Variants in TRIP10 observed in about 807,000 individuals in gnomAD.
TRIP10 encodes thyroid hormone receptor interactor 10, also known as cdc42-interacting protein 4.
A neutral mutation model predicts 80.9 loss-of-function variants in TRIP10; 54 were observed. That is an observed-to-expected ratio of 0.67 (90% confidence interval 0.54 to 0.84). The LOEUF (loss-of-function observed/expected upper bound fraction) is 0.84, where lower values mean the gene tolerates loss of function less well. Ranked by LOEUF, TRIP10 falls within the 40% of genes least tolerant of loss-of-function variation. The pLI, the probability that TRIP10 is intolerant of heterozygous loss-of-function variation, is 0.00. For missense variants in TRIP10, 773 were observed against 815.3 expected (o/e 0.95, Z 0.63); for synonymous variants, 321 against 307.2 (o/e 1.04, Z -0.47).
In TRIP10 at chr19:6,739,773, C is replaced by A; in HGVS notation, c.12C>A (p.Gly4=). The part of the protein sequence containing the change: MDW[G]TELWDQFEVL... ...GCGGCGGGAGCAGCATGGATTGGGG[C>A]ACTGAGCTGTGGGTAAGTCCAATCG... is the stretch of plus-strand genomic sequence containing the variant. The change falls in exon 1 of 15, where the codon GGC becomes GGA. Residue 4 remains glycine, a synonymous_variant. Transcript: ENST00000313244. The A allele has an allele frequency of 1.4e-6, 2 of 1,461,452 alleles. No homozygotes were observed. The highest frequency in any genetic ancestry group is 1.8e-6 in the Non-Finnish European group (2 of 1,099,946). The allele number at this position is 1,461,452 out of a possible 1,614,324, so 90.5% of individuals were successfully genotyped here.
At chr19:6,750,990 T>C (rs769926110) in intron 14 of TRIP10, 73 bp from the exon 15 acceptor site, 1 of 1,445,712 alleles carries the variant, frequency 6.9e-7, no homozygotes, top group Admixed American at 2.7e-5. Flanking sequence ...CGAGGCTCTG[T>C]CTCAAAAATA....
rs190749290 is a variant in TRIP10, at chr19:6,744,014, C to G, written c.642+178C>G. On this transcript the variant is annotated intron_variant, in intron 7 of 14. Coordinates refer to ENST00000313244, the MANE Select transcript of TRIP10 (RefSeq NM_001288962.2). This position sits in a 1 kb window ranked among gnomAD's most constrained non-coding sequence, Gnocchi z 4.9. ...CAGCTGTTCTTCCTGCTGGGCATGC[C>G]TTTTACTTGTTTGTTTATTTACTTC... 3.5e-5 allele frequency: 30 copies of G among 862,698 alleles called. No individual in the cohort carries two copies. The East Asian group carries it at 7.4e-4, about 21-fold the overall frequency. The allele number at this position is 862,698 out of a possible 1,614,324, so 53.4% of individuals were successfully genotyped here.
chr19:6,751,484 GAA>G lies in TRIP10; in HGVS notation c.*284_*285del, dbSNP rs796109489. 3.6e-4 allele frequency: 196 copies of G among 541,436 alleles called. No individual in the cohort carries two copies. Among genetic ancestry groups the G allele is most frequent in the East Asian group, 1.8e-3 (40 of 22,058 alleles). The allele number at this position is 541,436 out of a possible 1,614,324, so 33.5% of individuals were successfully genotyped here. ...GCCATTTTGTTTTATACAAAAATGG[GAA>G]AAAAAAAAAAGAAATTATATAAAGT... On this transcript the variant is annotated 3_prime_UTR_variant, in exon 15 of 15. Transcript: ENST00000313244.
chr19:6,746,579 G>A lies in TRIP10; in HGVS notation c.1262+18G>A, dbSNP rs556173810. ...GACCAGAGGTAAGGTGGTGGGGTAG[G>A]GAAGGACAGGCAAGGAACATGATAA... is the stretch of plus-strand genomic sequence containing the variant. On this transcript the variant is annotated intron_variant, in intron 11 of 14. Transcript: ENST00000313244. This position sits in a 1 kb window ranked among gnomAD's most constrained non-coding sequence, Gnocchi z 6.2. 694 of 1,585,936 alleles carry A rather than the reference G, an allele frequency of 4.4e-4. 9 individuals are homozygous for A. In the South Asian group the frequency reaches 5.8e-3, roughly 13 times the overall value.
chr19:6,751,073 G>C lies in TRIP10; in HGVS notation c.1668G>C (p.Glu556Asp), dbSNP rs958071277. 3.8e-6 allele frequency: 6 copies of C among 1,580,234 alleles called. No individual in the cohort carries two copies. Among genetic ancestry groups the C allele is most frequent in the African/African-American group, 2.7e-5 (2 of 73,792 alleles). ...VAIYHFEGSS[E>D]GTISMAEGED... ...CCACCCCCATCACAGGGTCCAGCGA[G>C]GGCACTATCTCTATGGCCGAGGGTG... The change falls in exon 15 of 15, where the codon GAG becomes GAC. Residue 556 changes from glutamate (E) to aspartate (D), a missense_variant. Glu to Asp is a conservative substitution (Grantham distance 45). Transcript: ENST00000313244.
chr19:6,742,260 C>T (rs1011103289), intron 3 of TRIP10, among the ~76,000 whole-genome samples: 5 of 151,418 alleles, frequency 3.3e-5, no homozygotes, highest in East Asian at 2.0e-4. Flanking sequence ...CGTTGTGGTG[C>T]GCGCCTGTAA....
Position 6,739,698 on chromosome 19 carries a change from C to A in TRIP10, c.-64C>A. 9.4e-7 allele frequency: 1 copy of A among 1,068,276 alleles called. No homozygotes were observed. 66.2% of individuals were successfully genotyped at this position (1,068,276 alleles called of 1,614,324 possible). A position where few individuals can be genotyped will look rare whatever the true frequency, so the allele number is the denominator to read the frequency against. ...CTCGGCTGAGTCTCCCCGGGGAGGG[C>A]GGCGGGCGGCGGGCGGCGGGGACCG... On this transcript the variant is annotated 5_prime_UTR_variant, in exon 1 of 15. Transcript: ENST00000313244.
intron 5 of TRIP10, 92 bp downstream of exon 5, chr19:6,743,348 C>A: frequency 6.4e-7 from 1 of 1,554,922 alleles, no homozygotes; most frequent in Non-Finnish European, 8.8e-7. Flanking sequence ...TTTGTCAGAC[C>A]TGGACCTTCC....
At chr19:6,741,908 C>T (rs914038751) in intron 3 of TRIP10, among the ~76,000 whole-genome samples, 3 of 152,048 alleles carry the variant, frequency 2.0e-5, no homozygotes, top group Middle Eastern at 3.4e-3. Context: ...ACTTCCGCCT[C>T]CCAGGTTCAA....
chr19:6,740,464 G>A (rs1317861222), intron 1 of TRIP10, among the ~76,000 whole-genome samples: 1 of 152,188 alleles, frequency 6.6e-6, no homozygotes, highest in Non-Finnish European at 1.5e-5. Context: ...TTAGTGCAGC[G>A]GGGGTAACCA....
Position 6,743,807 on chromosome 19 carries a change from T to TA in TRIP10, c.614dup (p.Tyr205Ter). The TA allele has an allele frequency of 4.3e-6, 7 of 1,614,090 alleles. No homozygotes were observed. The highest frequency in any genetic ancestry group is 5.9e-6 in the Non-Finnish European group (7 of 1,180,012). Residue 205 changes from tyrosine (Y) to a stop codon, truncating the protein, a stop_gained and frameshift_variant, in exon 7 of 15, where the codon TAT becomes TAAT. Transcript: ENST00000313244. LOFTEE classifies it high-confidence loss of function. ...CTTCAACCGAGACCAAGCCCACTTC[T>TA]ATTTTTCACAGATGCCCCAGATATT... ...QRFNRDQAHFYFSQMPQIFDK... is the reference protein window; with the variant it reads ...QRFNRDQAHF
At chr19:6,740,989 C>T in intron 1 of TRIP10, 21 bp from the exon 2 acceptor site, 1 of 1,606,032 alleles carries the variant, frequency 6.2e-7, no homozygotes, top group Non-Finnish European at 8.5e-7. Context: ...TCCCCTCCTC[C>T]CCCACCATGT....
intron 1 of TRIP10, 64 bp from the exon 2 acceptor site, chr19:6,740,946 T>C (rs763742109): frequency 5.5e-6 from 8 of 1,447,316 alleles, no homozygotes; most frequent in African/African-American, 1.4e-5. Flanking sequence ...GTCGGCGGGC[T>C]GTGGGGTCCC....
chr19:6,751,066 C>A lies in TRIP10; in HGVS notation c.1661C>A (p.Ser554Tyr). 1 of 1,563,756 alleles carries A rather than the reference C, an allele frequency of 6.4e-7. No homozygotes were observed. The highest frequency in any genetic ancestry group is 8.7e-7 in the Non-Finnish European group (1 of 1,151,088). Residue 554 changes from serine to tyrosine, a missense_variant, in exon 15 of 15, where the codon TCC becomes TAC. Coordinates refer to ENST00000313244, the MANE Select transcript of TRIP10 (RefSeq NM_001288962.2). ...CCCACCCCCACCCCCATCACAGGGT[C>A]CAGCGAGGGCACTATCTCTATGGCC... is the stretch of plus-strand genomic sequence containing the variant. ...HCVAIYHFEG[S>Y]SEGTISMAEG...
At position 6,751,489 on chromosome 19, in the gene TRIP10, A is replaced by G; in HGVS notation, c.*278A>G. ...TTTGTTTTATACAAAAATGGGAAAA[A>G]AAAAAAAGAAATTATATAAAGTTCC... On this transcript the variant is annotated 3_prime_UTR_variant, in exon 15 of 15. Coordinates refer to ENST00000313244, the MANE Select transcript of TRIP10 (RefSeq NM_001288962.2). 2.9e-6 allele frequency: 2 copies of G among 686,906 alleles called. No homozygotes were observed. Among genetic ancestry groups the G allele is most frequent in the Non-Finnish European group, 4.2e-6 (2 of 471,884 alleles). 42.6% of individuals were successfully genotyped at this position (686,906 alleles called of 1,614,324 possible). A position where few individuals can be genotyped will look rare whatever the true frequency, so the allele number is the denominator to read the frequency against.
intron 11 of TRIP10, among the ~76,000 whole-genome samples, chr19:6,749,722 G>C (rs561941785): frequency 4.3e-4 from 66 of 152,000 alleles, no homozygotes; most frequent in Non-Finnish European, 9.0e-4. Context: ...GTGGTGATGC[G>C]GGTCTATAGT....
chr19:6,744,777 C>T lies in TRIP10; in HGVS notation c.790-23C>T. ...CCCATAGGCTAGGCACTCGACTGCT[C>T]ATCCACTGTCCCCCTCCCCCAGGAC... On this transcript the variant is annotated intron_variant, in intron 8 of 14. Transcript: ENST00000313244. This position sits in a 1 kb window ranked among gnomAD's most constrained non-coding sequence, Gnocchi z 4.9. The T allele has an allele frequency of 6.2e-7, 1 of 1,605,552 alleles. No homozygotes were observed. Among genetic ancestry groups the T allele is most frequent in the Non-Finnish European group, 8.5e-7 (1 of 1,175,142 alleles).
intron 5 of TRIP10, 119 bp downstream of exon 5, chr19:6,743,375 C>CCTTGTACTTCCCTCCTTCAT (rs1356909888): frequency 2.6e-6 from 4 of 1,525,508 alleles, no homozygotes; most frequent in African/African-American, 1.4e-5. Flanking sequence ...CATAGGCTTC[C>CCTTGTACTTCCCTCCTTCAT]AGTACTCCCT....
Position 6,746,191 on chromosome 19 carries a change from C to A in TRIP10, c.1147C>A (p.Arg383Ser). The A allele has an allele frequency of 6.5e-7, 1 of 1,533,294 alleles. No individual in the cohort carries two copies. The highest frequency in any genetic ancestry group is 8.8e-7 in the Non-Finnish European group (1 of 1,136,966). The allele number at this position is 1,533,294 out of a possible 1,614,324, so 95.0% of individuals were successfully genotyped here. Residue 383 changes from arginine (R) to serine (S), a missense_variant, in exon 10 of 15, where the codon CGT becomes AGT. Coordinates refer to ENST00000313244, the MANE Select transcript of TRIP10 (RefSeq NM_001288962.2). This position sits in a 1 kb window ranked among gnomAD's most constrained non-coding sequence, Gnocchi z 6.2. ...ATCCTTCCGCAGCCTTCGAGGCAGCCGTGGGGTAAGTGAGGCCTCGGGGCA... is the reference window on the plus strand; with the variant it reads ...ATCCTTCCGCAGCCTTCGAGGCAGCAGTGGGGTAAGTGAGGCCTCGGGGCA... ...LASFRSLRGS[R>S]GTVVTEDFSH...
Sources: allele counts gnomAD v4.1 joint callset (sites outside exome capture counted in the v4.1 genomes callset), GRCh38; gene constraint gnomAD v4.1.1; non-coding constraint Gnocchi (gnomAD v3.1); transcripts MANE v1.5; gene names NCBI Gene and HGNC (gene_info 2026-07-23, HGNC 2026-07-21).